B3GAT2: variants seen among roughly 807,000 people sequenced by gnomAD.
B3GAT2 encodes the protein beta-1,3-glucuronyltransferase 2, also known as galactosylgalactosylxylosylprotein 3-beta-glucuronosyltransferase 2.
Under a neutral mutation model 27.8 loss-of-function variants are expected in B3GAT2, and 26 were observed. The ratio of observed to expected loss-of-function variants is 0.93; its 90% CI spans 0.68 to 1.30. The LOEUF is 1.30. Ranked by LOEUF, B3GAT2 falls within the 50% of genes most tolerant of loss-of-function variation. B3GAT2 has a pLI of 0.00. For missense variants in B3GAT2, 458 were observed against 459.0 expected (o/e 1.00, Z 0.02); for synonymous variants, 218 against 195.1 (o/e 1.12, Z -0.98).
intron 2 of B3GAT2, among the ~76,000 whole-genome samples, chr6:70,865,964 T>C (rs919870854): frequency 1.4e-4 from 21 of 152,088 alleles, no homozygotes; most frequent in African/African-American, 5.1e-4. Flanking sequence ...TCCCCTTGAA[T>C]TGAGGAAACA....
chr6:70,857,003 G>A lies in B3GAT2; in HGVS notation c.*4660C>T. On this transcript the variant is annotated 3_prime_UTR_variant, in exon 4 of 4. Coordinates refer to ENST00000230053, the MANE Select transcript of B3GAT2 (RefSeq NM_080742.3). Reference sequence around the variant, plus strand: ...CTCCATCTTATCTCTGTATGGCACAGGAACCATTCAACAGCAAAGTACTCC... The same window carrying A: ...CTCCATCTTATCTCTGTATGGCACAAGAACCATTCAACAGCAAAGTACTCC... 1 of 1,611,480 alleles carries A rather than the reference G, an allele frequency of 6.2e-7. No individual in the cohort carries two copies. The highest frequency in any genetic ancestry group is 2.2e-5 in the East Asian group (1 of 44,844).
At chr6:70,887,619 C>T (rs994126271) in intron 2 of B3GAT2, among the ~76,000 whole-genome samples, 5 of 152,038 alleles carry the variant, frequency 3.3e-5, no homozygotes, top group Non-Finnish European at 4.4e-5. Flanking sequence ...TTCTGGGAGT[C>T]GGGGTGGCGG....
intron 2 of B3GAT2, among the ~76,000 whole-genome samples, chr6:70,867,358 C>A (rs1251762225): frequency 6.6e-6 from 1 of 151,506 alleles, no homozygotes; most frequent in African/African-American, 2.4e-5. Flanking sequence ...AAATAGAAAA[C>A]AATTGAGAAG....
At chr6:70,871,722 T>A (rs1771941325) in intron 2 of B3GAT2, among the ~76,000 whole-genome samples, 1 of 147,982 alleles carries the variant, frequency 6.8e-6, no homozygotes, top group Non-Finnish European at 1.5e-5. Flanking sequence ...TTTTCTCTAA[T>A]CTAATAACTT....
In B3GAT2 at chr6:70,859,877, A is replaced by T. The variant is rs919780022; in HGVS notation, c.*1786T>A. On this transcript the variant is annotated 3_prime_UTR_variant, in exon 4 of 4. Transcript: ENST00000230053. ...CTATTTTACTTCCTAAAATTTTCTT[A>T]CTCCTTAGTAGTTAAAGCACAATAT... The T allele has an allele frequency of 4.8e-6, 1 of 206,730 alleles. No individual in the cohort carries two copies. The highest frequency in any genetic ancestry group is 9.6e-6 in the Non-Finnish European group (1 of 103,658). The allele number at this position is 206,730 out of a possible 1,614,324, so 12.8% of individuals were successfully genotyped here.
At chr6:70,885,119 T>C (rs1200390858) in intron 2 of B3GAT2, among the ~76,000 whole-genome samples, 1 of 152,186 alleles carries the variant, frequency 6.6e-6, no homozygotes, top group Non-Finnish European at 1.5e-5. Context: ...TACCTACAGA[T>C]GCTCTCCTAG....
At chr6:70,873,905 A>G (rs1771975518) in intron 2 of B3GAT2, among the ~76,000 whole-genome samples, 1 of 152,090 alleles carries the variant, frequency 6.6e-6, no homozygotes, top group African/African-American at 2.4e-5. Context: ...TAAAAAATAT[A>G]TAATTTCTAT....
chr6:70,928,741 G>A (rs1376411540), intron 1 of B3GAT2, among the ~76,000 whole-genome samples: 1 of 152,152 alleles, frequency 6.6e-6, no homozygotes, highest in Non-Finnish European at 1.5e-5. Flanking sequence ...ATTCACAGCT[G>A]AATTCTATCA....
At chr6:70,916,586 T>C (rs533372391) in intron 1 of B3GAT2, among the ~76,000 whole-genome samples, 9 of 152,346 alleles carry the variant, frequency 5.9e-5, no homozygotes, top group African/African-American at 2.2e-4. Context: ...ACCTAGTTTA[T>C]TGAGAGTTTT....
chr6:70,927,886 C>G (rs886808491), intron 1 of B3GAT2, among the ~76,000 whole-genome samples: 12 of 152,288 alleles, frequency 7.9e-5, no homozygotes, highest in Admixed American at 3.3e-4. Context: ...AATATACTTT[C>G]TTCTCAGCAC....
chr6:70,947,385 AT>A (rs1036452714), intron 1 of B3GAT2, among the ~76,000 whole-genome samples: 7 of 152,180 alleles, frequency 4.6e-5, no homozygotes, highest in African/African-American at 1.4e-4. Flanking sequence ...CACAAAAAAA[AT>A]GATAAAGGGG....
chr6:70,916,312 A>G (rs2504759), intron 1 of B3GAT2, among the ~76,000 whole-genome samples: 74,050 of 151,840 alleles, frequency 0.49, 18,643 homozygotes, highest in East Asian at 0.69. Flanking sequence ...TGAGACGATG[A>G]GGTTTTCTAC....
Position 70,956,652 on chromosome 6 carries a change from C to T in B3GAT2, c.-223G>A. ...TAGAGCGACAAGGGGTGCAGGCGGG[C>T]GGGCAGGGGCTGCCCCCGACTCCAG... is the stretch of plus-strand genomic sequence containing the variant. On this transcript the variant is annotated 5_prime_UTR_variant, in exon 1 of 4. Transcript: ENST00000230053. The T allele has an allele frequency of 2.2e-6, 3 of 1,390,344 alleles. No individual in the cohort carries two copies. Among genetic ancestry groups the T allele is most frequent in the Non-Finnish European group, 2.8e-6 (3 of 1,075,662 alleles). The allele number at this position is 1,390,344 out of a possible 1,614,324, so 86.1% of individuals were successfully genotyped here.
intron 1 of B3GAT2, among the ~76,000 whole-genome samples, chr6:70,940,781 A>G (rs1159960488): frequency 6.6e-6 from 1 of 152,128 alleles, no homozygotes; most frequent in Non-Finnish European, 1.5e-5. Context: ...TACAAAAATT[A>G]GCCAGGCATG....
chr6:70,909,234 AT>A (rs1772649514), intron 1 of B3GAT2, among the ~76,000 whole-genome samples: 1 of 152,194 alleles, frequency 6.6e-6, no homozygotes, highest in Non-Finnish European at 1.5e-5. Context: ...TTGCTTACAG[AT>A]TATTACCTCC....
chr6:70,858,380 T>A lies in B3GAT2; in HGVS notation c.*3283A>T. 1 of 625,738 alleles carries A rather than the reference T, an allele frequency of 1.6e-6. No homozygotes were observed. Among genetic ancestry groups the A allele is most frequent in the Non-Finnish European group, 2.5e-6 (1 of 395,482 alleles). The allele number at this position is 625,738 out of a possible 1,614,324, so 38.8% of individuals were successfully genotyped here. A position where few individuals can be genotyped will look rare whatever the true frequency, so the allele number is the denominator to read the frequency against. On this transcript the variant is annotated 3_prime_UTR_variant, in exon 4 of 4. Coordinates refer to ENST00000230053, the MANE Select transcript of B3GAT2 (RefSeq NM_080742.3). ...TATGTTATAGGGTCAAAAGTATCTA[T>A]AAATATTATGAAGTTGTATCAGATA...
intron 2 of B3GAT2, among the ~76,000 whole-genome samples, chr6:70,880,346 AT>A (rs963990491): frequency 1.3e-5 from 2 of 152,176 alleles, no homozygotes; most frequent in African/African-American, 4.8e-5. Flanking sequence ...GGTAGATACT[AT>A]TACTACCATA....
At position 70,857,158 on chromosome 6, in the gene B3GAT2, C is replaced by T; in HGVS notation, c.*4505G>A. ...AGTGCTTTTGTTGTTGCAGTTTATA[C>T]AACTATGAAGCCGAAATGAATGAGC... On this transcript the variant is annotated 3_prime_UTR_variant, in exon 4 of 4. Coordinates refer to ENST00000230053, the MANE Select transcript of B3GAT2 (RefSeq NM_080742.3). The T allele has an allele frequency of 1.1e-6, 1 of 929,244 alleles. No individual in the cohort carries two copies. Among genetic ancestry groups the T allele is most frequent in the Non-Finnish European group, 1.5e-6 (1 of 670,460 alleles). 57.6% of individuals were successfully genotyped at this position (929,244 alleles called of 1,614,324 possible).
At chr6:70,951,756 A>C (rs1410043739) in intron 1 of B3GAT2, among the ~76,000 whole-genome samples, 3 of 152,324 alleles carry the variant, frequency 2.0e-5, no homozygotes, top group Non-Finnish European at 2.9e-5. Flanking sequence ...GTAGTTTCAT[A>C]TATACATTTC....
Sources: gnomAD v4.1 joint callset for allele counts (sites outside exome capture counted in the v4.1 genomes callset) on GRCh38, gnomAD v4.1.1 for gene constraint, MANE v1.5 for transcripts, NCBI Gene and HGNC (gene_info 2026-07-23, HGNC 2026-07-21) for gene names.